STARD3NL: variants seen among roughly 807,000 people sequenced by gnomAD.
STARD3NL encodes the protein STARD3 N-terminal-like protein.
A neutral mutation model predicts 30.9 loss-of-function variants in STARD3NL; 17 were observed. That is an observed-to-expected ratio of 0.55 (90% CI 0.38 to 0.82). STARD3NL has a LOEUF of 0.82. STARD3NL is among the 40% of genes least tolerant of loss of function. The pLI is 0.00. For missense variants in STARD3NL, 234 were observed against 277.6 expected, an observed-to-expected ratio of 0.84 and a Z score of 1.12; for synonymous variants, 112 against 100.5, an observed-to-expected ratio of 1.11 and a Z score of -0.69.
chr7:38,221,534 G>T (rs184761655), intron 7 of STARD3NL, among the ~76,000 whole-genome samples: 1 of 152,318 alleles, frequency 6.6e-6, no homozygotes, highest in East Asian at 1.9e-4. Flanking sequence ...GTGGCACAGA[G>T]AAGTGAAGCA....
At chr7:38,212,883 G>C (rs1330735838) in intron 2 of STARD3NL, among the ~76,000 whole-genome samples, 1 of 152,204 alleles carries the variant, frequency 6.6e-6, no homozygotes. Flanking sequence ...TGAAACTAAA[G>C]ATAGTTTATT....
intron 1 of STARD3NL, among the ~76,000 whole-genome samples, chr7:38,185,432 G>A (rs150726858): frequency 1.9e-3 from 291 of 152,224 alleles, no homozygotes; most frequent in African/African-American, 6.6e-3. Context: ...AGATACCCCT[G>A]GGCATAGATG....
chr7:38,185,128 C>T (rs934103139), intron 1 of STARD3NL, among the ~76,000 whole-genome samples: 7 of 152,062 alleles, frequency 4.6e-5, no homozygotes, highest in Non-Finnish European at 1.0e-4. Flanking sequence ...TTTGCTAAAA[C>T]ATGAGTTAGG....
intron 1 of STARD3NL, among the ~76,000 whole-genome samples, chr7:38,191,296 G>A (rs1217610750): frequency 6.6e-6 from 1 of 151,982 alleles, no homozygotes; most frequent in Non-Finnish European, 1.5e-5. Flanking sequence ...ATATTACCAT[G>A]GACTCATGGA....
rs925234921 is a variant in STARD3NL at position 38,207,346 on chromosome 7, C to T, written c.-58-101C>T. 2.3e-5 allele frequency: 14 copies of T among 615,862 alleles called. No homozygotes were observed. In the African/African-American group the frequency reaches 2.6e-4, roughly 11 times the overall value. The allele number at this position is 615,862 out of a possible 1,614,324, so 38.1% of individuals were successfully genotyped here. A position where few individuals can be genotyped will look rare whatever the true frequency, so the allele number is the denominator to read the frequency against. Reference sequence around the variant, plus strand: ...GAAAACATAAATCAGTCAAGGTACTCTGTTGTTCAGTTAGAGAAATAGTTG... The same window carrying T: ...GAAAACATAAATCAGTCAAGGTACTTTGTTGTTCAGTTAGAGAAATAGTTG... On this transcript the variant is annotated intron_variant, in intron 1 of 8. Coordinates refer to ENST00000009041, the MANE Select transcript of STARD3NL (RefSeq NM_032016.4).
At chr7:38,219,050 A>G (rs1337434724) in intron 6 of STARD3NL, among the ~76,000 whole-genome samples, 1 of 152,168 alleles carries the variant, frequency 6.6e-6, no homozygotes, top group Non-Finnish European at 1.5e-5. Flanking sequence ...CAAGGGAAAG[A>G]TGTAAATACT....
chr7:38,229,557 A>C (rs1583839993), intron 8 of STARD3NL, among the ~76,000 whole-genome samples: 1 of 152,234 alleles, frequency 6.6e-6, no homozygotes, highest in Non-Finnish European at 1.5e-5. Flanking sequence ...GTTTAACCAC[A>C]GAAGGAAAAA....
Position 38,224,762 on chromosome 7 carries a change from A to G in STARD3NL, c.650-4037A>G, listed in dbSNP as rs982828494. ...CAAAGTAGTAATTCTGGCAATTCAT[A>G]TATGCCAAAGAGAAACCATAAAGTG... On this transcript the variant is annotated intron_variant, in intron 7 of 8. Coordinates refer to ENST00000009041, the MANE Select transcript of STARD3NL (RefSeq NM_032016.4). Among the ~76,000 whole-genome samples, 14 of 152,204 alleles carry G rather than the reference A, an allele frequency of 9.2e-5. 1 individual carries two copies. The highest frequency in any genetic ancestry group is 3.3e-4 in the Admixed American group (5 of 15,288).
At chr7:38,178,875 A>G (rs890004567) in intron 1 of STARD3NL, among the ~76,000 whole-genome samples, 3 of 151,838 alleles carry the variant, frequency 2.0e-5, no homozygotes, top group East Asian at 1.9e-4. Context: ...AAAAAAAAAA[A>G]AAAGAAAGAA....
chr7:38,229,818 A>T (rs895135566), intron 8 of STARD3NL, 105 bp from the exon 9 acceptor site: 1 of 152,246 alleles, frequency 6.6e-6, no homozygotes, highest in Non-Finnish European at 1.5e-5. Flanking sequence ...TGTCTGTCAC[A>T]GCCCCTCTTC....
At chr7:38,214,322 C>A (rs3778894) in intron 2 of STARD3NL, 35 bp from the exon 3 acceptor site, 317,217 of 1,357,872 alleles carry the variant, frequency 0.23, 38,077 homozygotes, top group Admixed American at 0.25. Flanking sequence ...ACACATAAAC[C>A]TCTCCTTGTT....
chr7:38,223,555 C>A (rs959074272), intron 7 of STARD3NL, among the ~76,000 whole-genome samples: 2 of 152,172 alleles, frequency 1.3e-5, no homozygotes, highest in Non-Finnish European at 2.9e-5. Context: ...TAAGTTGCCA[C>A]CTCCCCAGAG....
At chr7:38,203,574 C>T (rs1015156580) in intron 1 of STARD3NL, among the ~76,000 whole-genome samples, 10 of 152,046 alleles carry the variant, frequency 6.6e-5, no homozygotes, top group African/African-American at 1.7e-4. Flanking sequence ...CATCAACTAA[C>T]GAGCAAAATA....
At chr7:38,221,182 A>G (rs1215414977) in intron 7 of STARD3NL, among the ~76,000 whole-genome samples, 2 of 152,196 alleles carry the variant, frequency 1.3e-5, no homozygotes, top group African/African-American at 4.8e-5. Context: ...TTAAAGTGGT[A>G]AATTTTATGT....
At position 38,207,561 on chromosome 7, in the gene STARD3NL, T is replaced by G. The variant is rs772162881; in HGVS notation, c.57T>G (p.His19Gln). Residue 19 changes from histidine (H) to glutamine (Q), a missense_variant, in exon 2 of 9, where the codon CAT (histidine) becomes CAG (glutamine). By Grantham distance (24) the His-to-Gln change is conservative. Transcript: ENST00000009041. ...CTCTCACCGGGAGCCAGAGCTCCCA[T>G]GCTTCTCTGCGCAATATCCATTCCA... ...ENALTGSQSS[H>Q]ASLRNIHSIN... The G allele has an allele frequency of 3.1e-6, 5 of 1,614,048 alleles. No individual in the cohort carries two copies. The highest frequency in any genetic ancestry group is 2.2e-5 in the East Asian group (1 of 44,874).
At chr7:38,187,044 C>T (rs1784490252) in intron 1 of STARD3NL, among the ~76,000 whole-genome samples, 1 of 151,502 alleles carries the variant, frequency 6.6e-6, no homozygotes. Context: ...AAAAGAGAAA[C>T]AAATGAAAGA....
chr7:38,206,485 T>C (rs1785494013), intron 1 of STARD3NL, among the ~76,000 whole-genome samples: 1 of 152,226 alleles, frequency 6.6e-6, no homozygotes, highest in Non-Finnish European at 1.5e-5. Context: ...GTCCCATCCA[T>C]AAGCAGATCA....
intron 1 of STARD3NL, among the ~76,000 whole-genome samples, chr7:38,206,879 C>T (rs1785516550): frequency 6.6e-6 from 1 of 152,184 alleles, no homozygotes; most frequent in African/African-American, 2.4e-5. Context: ...AAGCGATCCT[C>T]CTATGCAGCT....
chr7:38,183,464 T>C (rs1485047658), intron 1 of STARD3NL, among the ~76,000 whole-genome samples: 1 of 152,226 alleles, frequency 6.6e-6, no homozygotes, highest in Non-Finnish European at 1.5e-5. Context: ...GTTTTACTTA[T>C]GAGAGATGCT....
Sources: gnomAD v4.1 joint callset for allele counts (sites outside exome capture counted in the v4.1 genomes callset) on GRCh38, gnomAD v4.1.1 for gene constraint, MANE v1.5 for transcripts, NCBI Gene and HGNC (gene_info 2026-07-23, HGNC 2026-07-21) for gene names.